The following OSBPL1A variants were observed in gnomAD, a reference collection of about 807,000 sequenced individuals.
OSBPL1A encodes oxysterol-binding protein-related protein 1.
Under a neutral mutation model 137.1 loss-of-function variants are expected in OSBPL1A, and 80 were observed. The ratio of observed to expected loss-of-function variants is 0.58; its 90% CI spans 0.49 to 0.70. The LOEUF is 0.70. Ranked by LOEUF, OSBPL1A falls within the 30% of genes least tolerant of loss-of-function variation. The probability of loss-of-function intolerance (pLI) is 0.00; values close to 1 mark genes in which losing one functional copy is unlikely to be tolerated. For missense variants in OSBPL1A, 970 were observed against 1,129.4 expected (o/e 0.86, Z 2.02); for synonymous variants, 365 against 389.7 (o/e 0.94, Z 0.75).
chr18:24,375,837 T>G (rs766949771), intron 2 of OSBPL1A, among the ~76,000 whole-genome samples: 4 of 151,944 alleles, frequency 2.6e-5, no homozygotes, highest in Admixed American at 6.6e-5. Flanking sequence ...GAAAAAAAAA[T>G]TATCATAGTG....
At chr18:24,281,280 T>C (rs1393974117) in intron 14 of OSBPL1A, among the ~76,000 whole-genome samples, 7 of 151,972 alleles carry the variant, frequency 4.6e-5, no homozygotes, top group Admixed American at 2.0e-4. Context: ...GAGACGGGGA[T>C]TCACCATATT....
intron 22 of OSBPL1A, among the ~76,000 whole-genome samples, chr18:24,172,094 C>T (rs939782367): frequency 9.9e-5 from 15 of 152,084 alleles, no homozygotes; most frequent in Admixed American, 6.5e-4. Flanking sequence ...GCACCCGCCA[C>T]CGTGCCCGGC....
chr18:24,350,502 G>A (rs1186240831), intron 4 of OSBPL1A, among the ~76,000 whole-genome samples: 1 of 152,024 alleles, frequency 6.6e-6, no homozygotes, highest in African/African-American at 2.4e-5. Context: ...ATATTGCCCA[G>A]GCTGGCCTCA....
In OSBPL1A at chr18:24,292,276, A is replaced by T. The variant is rs535684994; in HGVS notation, c.1175-11328T>A. Among the ~76,000 whole-genome samples, 4 of 152,328 alleles carry T rather than the reference A, an allele frequency of 2.6e-5. No homozygotes were observed. In the South Asian group the frequency reaches 8.3e-4, roughly 32 times the overall value. ...GAAAATAAAACAGAATTCAGGGGAGAGGAGTAGGATATAAAAATCAGTGGC... is the reference window on the plus strand; with the variant it reads ...GAAAATAAAACAGAATTCAGGGGAGTGGAGTAGGATATAAAAATCAGTGGC... On this transcript the variant is annotated intron_variant, in intron 14 of 27. Transcript: ENST00000319481.
chr18:24,193,707 T>C (rs995407745), intron 18 of OSBPL1A, among the ~76,000 whole-genome samples: 2 of 152,148 alleles, frequency 1.3e-5, no homozygotes, highest in African/African-American at 4.8e-5. Flanking sequence ...TTGTCTCCTA[T>C]GAACCTCAGC....
intron 18 of OSBPL1A, among the ~76,000 whole-genome samples, chr18:24,186,944 C>T (rs2086764255): frequency 6.9e-6 from 1 of 144,692 alleles, no homozygotes; most frequent in South Asian, 2.2e-4. Context: ...TTCAGACAGG[C>T]AAAAGGAAAG....
At chr18:24,189,673 T>C (rs921375521) in intron 18 of OSBPL1A, among the ~76,000 whole-genome samples, 2 of 152,230 alleles carry the variant, frequency 1.3e-5, no homozygotes, top group Non-Finnish European at 2.9e-5. Context: ...CTCCACACGA[T>C]GCCTAGCATC....
intron 1 of OSBPL1A, among the ~76,000 whole-genome samples, chr18:24,394,237 C>A (rs1055855646): frequency 6.6e-6 from 1 of 152,010 alleles, no homozygotes; most frequent in African/African-American, 2.4e-5. Context: ...CATTCCATAC[C>A]CACACCAACT....
intron 16 of OSBPL1A, among the ~76,000 whole-genome samples, chr18:24,230,041 C>T (rs1200236948): frequency 3.9e-5 from 6 of 152,354 alleles, no homozygotes; most frequent in South Asian, 2.1e-4. Context: ...TGGGCCACCA[C>T]GCCCCACCAA....
At chr18:24,229,792 C>T (rs1334607043) in intron 16 of OSBPL1A, among the ~76,000 whole-genome samples, 1 of 151,966 alleles carries the variant, frequency 6.6e-6, no homozygotes, top group Non-Finnish European at 1.5e-5. Context: ...GCTCTGTCAC[C>T]CAGGCTGGAG....
chr18:24,306,727 A>T (rs992289832), intron 13 of OSBPL1A, among the ~76,000 whole-genome samples: 1 of 152,242 alleles, frequency 6.6e-6, no homozygotes, highest in African/African-American at 2.4e-5. Context: ...TCTTGATAGG[A>T]GTGGTGGTTA....
intron 15 of OSBPL1A, among the ~76,000 whole-genome samples, chr18:24,274,232 A>C (rs1809602): frequency 5.6e-5 from 5 of 89,940 alleles, no homozygotes; most frequent in Non-Finnish European, 9.3e-5. Flanking sequence ...AGACTCCTTC[A>C]CAAAAAAAAA....
intron 4 of OSBPL1A, among the ~76,000 whole-genome samples, chr18:24,349,940 T>G (rs1313344954): frequency 6.6e-6 from 1 of 152,138 alleles, no homozygotes; most frequent in Non-Finnish European, 1.5e-5. Context: ...GCCTCTAAAT[T>G]TATGGTAATT....
At chr18:24,172,355 G>T in intron 22 of OSBPL1A, 21 bp downstream of exon 22, 1 of 1,555,712 alleles carries the variant, frequency 6.4e-7, no homozygotes, top group South Asian at 1.1e-5. Flanking sequence ...AGGAATGGAC[G>T]AAGTACCCAA....
chr18:24,293,121 A>AG (rs1426643763), intron 14 of OSBPL1A, among the ~76,000 whole-genome samples: 1 of 68,754 alleles, frequency 1.5e-5, no homozygotes, highest in Non-Finnish European at 3.4e-5. Flanking sequence ...AAAAAAAAAA[A>AG]AAAAAAAGAA....
At chr18:24,301,867 C>T (rs963892293) in intron 14 of OSBPL1A, among the ~76,000 whole-genome samples, 1 of 152,166 alleles carries the variant, frequency 6.6e-6, no homozygotes, top group Non-Finnish European at 1.5e-5. Context: ...TTAACATTTC[C>T]TCACATTCTC....
intron 14 of OSBPL1A, among the ~76,000 whole-genome samples, chr18:24,303,209 A>G (rs9945972): frequency 0.58 from 88,808 of 151,874 alleles, 27,477 homozygotes; most frequent in African/African-American, 0.74. Flanking sequence ...CCATGTTGGC[A>G]AGGCCAGTCT....
In OSBPL1A at chr18:24,318,599, ACCTTCCAGAGAGGGC is replaced by A. The variant is rs772650046; in HGVS notation, c.719_732+1del. ...TATAATTAAAAAACCACCTCAACTT[ACCTTCCAGAGAGGGC>A]CCTCATATCGTTTCAATGCTTTGTA... On this transcript the variant is annotated splice_donor_variant and coding_sequence_variant, in exon 9 of 28. Transcript: ENST00000319481. LOFTEE classifies it high-confidence loss of function. The A allele has an allele frequency of 1.2e-6, 2 of 1,606,518 alleles. No homozygotes were observed. The highest frequency in any genetic ancestry group is 2.2e-5 in the South Asian group (2 of 89,506).
At chr18:24,259,716 A>T (rs936576230) in intron 15 of OSBPL1A, among the ~76,000 whole-genome samples, 1 of 152,124 alleles carries the variant, frequency 6.6e-6, no homozygotes, top group Non-Finnish European at 1.5e-5. Flanking sequence ...ATGGTAATAC[A>T]CTGATACATG....
Sources: allele counts gnomAD v4.1 joint callset (sites outside exome capture counted in the v4.1 genomes callset), GRCh38; gene constraint gnomAD v4.1.1; transcripts MANE v1.5; gene names NCBI Gene and HGNC (gene_info 2026-07-23, HGNC 2026-07-21).